The following RPF2 variants were observed in gnomAD, a reference collection of about 807,000 sequenced individuals.
RPF2 encodes brix domain containing 1.
Under a neutral mutation model 38.9 loss-of-function variants are expected in RPF2, and 21 were observed. That is an observed-to-expected ratio of 0.54 (90% CI 0.38 to 0.78). RPF2 has a LOEUF of 0.78. Ranked by LOEUF, RPF2 falls within the 30% of genes least tolerant of loss-of-function variation. The pLI, the probability that RPF2 is intolerant of heterozygous loss-of-function variation, is 0.00. For missense variants in RPF2, 314 were observed against 358.1 expected, an observed-to-expected ratio of 0.88 and a Z score of 0.99; for synonymous variants, 121 against 126.2, an observed-to-expected ratio of 0.96 and a Z score of 0.28.
chr6:110,986,928 G>A (rs897215970), intron 2 of RPF2, among the ~76,000 whole-genome samples: 1 of 150,214 alleles, frequency 6.7e-6, no homozygotes, highest in Non-Finnish European at 1.5e-5. Flanking sequence ...ACTTACTCCA[G>A]CCTGGGTAAC....
Position 111,027,960 on chromosome 6 carries a change from CTATG to C in RPF2, c.*2382_*2385del, listed in dbSNP as rs758163410. On this transcript the variant is annotated 3_prime_UTR_variant, in exon 10 of 10. Coordinates refer to ENST00000441448, the MANE Select transcript of RPF2 (RefSeq NM_032194.3). Reference sequence around the variant, plus strand: ...GAATACAACACACATAAATTGGAGACTATGTATTCATTTCAATGGAGGTGGTAAA... The same window carrying C: ...GAATACAACACACATAAATTGGAGACTATTCATTTCAATGGAGGTGGTAAA... 7 of 152,072 alleles carry C rather than the reference CTATG, an allele frequency of 4.6e-5. No homozygotes were observed. Among genetic ancestry groups the C allele is most frequent in the Non-Finnish European group, 8.8e-5 (6 of 68,014 alleles). The allele number at this position is 152,072 out of a possible 1,614,324, so 9.4% of individuals were successfully genotyped here. A position where few individuals can be genotyped will look rare whatever the true frequency, so the allele number is the denominator to read the frequency against.
Position 110,985,082 on chromosome 6 carries a change from A to G in RPF2, c.100A>G (p.Met34Val). Reference protein sequence around the residue: ...PKLNENIKNAMLIKGGNANAT... With the variant: ...PKLNENIKNAVLIKGGNANAT... ...ACTCAATGAAAATATTAAAAATGCC[A>G]TGCTGATTAAAGGGGGAAATGCAAA... is the stretch of plus-strand genomic sequence containing the variant. Residue 34 changes from methionine (M) to valine (V), a missense_variant, in exon 2 of 10, where the codon ATG (methionine) becomes GTG (valine). By Grantham distance (21) the Met-to-Val change is conservative (BLOSUM62 1). Transcript: ENST00000441448. 7 of 1,613,732 alleles carry G rather than the reference A, an allele frequency of 4.3e-6. No individual in the cohort carries two copies. The highest frequency in any genetic ancestry group is 5.9e-6 in the Non-Finnish European group (7 of 1,179,764).
chr6:111,014,033 A>G (rs1397663975), intron 7 of RPF2, among the ~76,000 whole-genome samples: 1 of 149,518 alleles, frequency 6.7e-6, no homozygotes, highest in Non-Finnish European at 1.5e-5. Flanking sequence ...AATGTTCATT[A>G]GTTTTTTTTT....
rs1771757333 is a variant in RPF2 at position 110,998,500 on chromosome 6, T to C, written c.317-1211T>C. ...CTGGAATTACAGGCGTGAGCCACTG[T>C]GCCCGGCCTGATCTAAAAATTTTTT... On this transcript the variant is annotated intron_variant, in intron 5 of 9. Coordinates refer to ENST00000441448, the MANE Select transcript of RPF2 (RefSeq NM_032194.3). Among the ~76,000 whole-genome samples, 3 of 152,214 alleles carry C rather than the reference T, an allele frequency of 2.0e-5. No individual in the cohort carries two copies. In the South Asian group the frequency reaches 6.2e-4, roughly 31 times the overall value.
At position 111,028,113 on chromosome 6, in the gene RPF2, G is replaced by C. The variant is rs1246332043; in HGVS notation, c.*2531G>C. 6.6e-6 allele frequency: 1 copy of C among 151,876 alleles called. No individual in the cohort carries two copies. Among genetic ancestry groups the C allele is most frequent in the East Asian group, 1.9e-4 (1 of 5,192 alleles). 9.4% of individuals were successfully genotyped at this position (151,876 alleles called of 1,614,324 possible). ...TCTGGAATATTAATACTATTACCAA[G>C]CTATTATTTCATGGAATTTGGGTTT... On this transcript the variant is annotated 3_prime_UTR_variant, in exon 10 of 10. Coordinates refer to ENST00000441448, the MANE Select transcript of RPF2 (RefSeq NM_032194.3).
chr6:111,010,532 G>T (rs1346691639), intron 7 of RPF2, among the ~76,000 whole-genome samples: 1 of 152,210 alleles, frequency 6.6e-6, no homozygotes, highest in African/African-American at 2.4e-5. Flanking sequence ...TCTCAAAGCA[G>T]CAGTCCTTTA....
At position 111,008,898 on chromosome 6, in the gene RPF2, C is replaced by CTTTTTTTTTTTTTTTTTTTTT. The variant is rs57167034; in HGVS notation, c.493+779_493+780insTTTTTTTTTTTTTTTTTTTTT. ...AAGCCCTCAGTGACCTTCCTGGCTC[C>CTTTTTTTTTTTTTTTTTTTTT]TTTTTTTTTTTTTTTTTTAAAGATA... On this transcript the variant is annotated intron_variant, in intron 7 of 9. Transcript: ENST00000441448. Among the ~76,000 whole-genome samples the CTTTTTTTTTTTTTTTTTTTTT allele has an allele frequency of 8.2e-4, 99 of 120,416 alleles. 14 individuals are homozygous for CTTTTTTTTTTTTTTTTTTTTT. The highest frequency in any genetic ancestry group is 2.0e-3 in the African/African-American group (60 of 30,092). 79.0% of individuals were successfully genotyped at this position (120,416 alleles called of 152,430 possible). A position where few individuals can be genotyped will look rare whatever the true frequency, so the allele number is the denominator to read the frequency against.
chr6:111,022,929 C>T (rs903015508), intron 8 of RPF2, among the ~76,000 whole-genome samples: 2 of 152,250 alleles, frequency 1.3e-5, no homozygotes, highest in African/African-American at 2.4e-5. Context: ...GACGGAGTCT[C>T]GCCCTGTCGC....
At chr6:110,988,340 A>G (rs10499060) in intron 2 of RPF2, among the ~76,000 whole-genome samples, 37,596 of 151,856 alleles carry the variant, frequency 0.25, 5,373 homozygotes, top group East Asian at 0.65. Context: ...TGTCATCATT[A>G]TTACTGTTTC....
At chr6:111,004,703 C>G (rs1771879104) in intron 6 of RPF2, among the ~76,000 whole-genome samples, 1 of 152,036 alleles carries the variant, frequency 6.6e-6, no homozygotes, top group Middle Eastern at 3.4e-3. Flanking sequence ...CTCAGCCTCC[C>G]AAGTAGCTGG....
At chr6:110,997,452 A>G (rs1486790489) in intron 5 of RPF2, among the ~76,000 whole-genome samples, 188 bp downstream of exon 5, 1 of 152,150 alleles carries the variant, frequency 6.6e-6, no homozygotes, top group African/African-American at 2.4e-5. Flanking sequence ...AAAAAGTTTT[A>G]GAGCAGGGGC....
intron 8 of RPF2, among the ~76,000 whole-genome samples, chr6:111,020,429 T>C (rs1463989520): frequency 1.3e-5 from 2 of 152,208 alleles, no homozygotes; most frequent in African/African-American, 2.4e-5. Flanking sequence ...AAATGAGTGG[T>C]AACAGTAGCC....
intron 4 of RPF2, among the ~76,000 whole-genome samples, chr6:110,994,734 T>TATACACACACAC (rs1436106936): frequency 2.2e-5 from 3 of 134,070 alleles, no homozygotes; most frequent in African/African-American, 9.6e-5. Context: ...TGAGTATATA[T>TATACACACACAC]ACACACACAC....
chr6:111,013,563 T>G (rs1772054794), intron 7 of RPF2, among the ~76,000 whole-genome samples: 1 of 152,248 alleles, frequency 6.6e-6, no homozygotes, highest in African/African-American at 2.4e-5. Context: ...AAATTTTGAC[T>G]TAATAAAGAG....
At chr6:111,004,767 C>T (rs1420970050) in intron 6 of RPF2, among the ~76,000 whole-genome samples, 3 of 151,746 alleles carry the variant, frequency 2.0e-5, no homozygotes, top group Non-Finnish European at 2.9e-5. Context: ...CAGGGTTTCA[C>T]CACGTTGGCC....
intron 5 of RPF2, 102 bp downstream of exon 5, chr6:110,997,366 A>G: frequency 1.5e-6 from 1 of 688,364 alleles, no homozygotes. Context: ...GCCTCTTCAG[A>G]GGAAATAATT....
At chr6:111,011,877 A>G (rs1772021748) in intron 7 of RPF2, among the ~76,000 whole-genome samples, 1 of 152,176 alleles carries the variant, frequency 6.6e-6, no homozygotes, top group Admixed American at 6.5e-5. Flanking sequence ...GAAGGGAGTG[A>G]AAACCAAAAA....
chr6:111,004,173 A>C (rs1269907527), intron 6 of RPF2, among the ~76,000 whole-genome samples: 3 of 151,126 alleles, frequency 2.0e-5, no homozygotes, highest in Non-Finnish European at 2.9e-5. Context: ...TGTGACTAGC[A>C]TTTTATTTTT....
intron 4 of RPF2, among the ~76,000 whole-genome samples, chr6:110,996,069 C>T (rs571923136): frequency 6.6e-6 from 1 of 151,976 alleles, no homozygotes; most frequent in South Asian, 2.1e-4. Context: ...CCACCTACCT[C>T]AGCCTTCCAA....
Sources: gnomAD v4.1 joint callset for allele counts (sites outside exome capture counted in the v4.1 genomes callset) on GRCh38, gnomAD v4.1.1 for gene constraint, MANE v1.5 for transcripts, NCBI Gene and HGNC (gene_info 2026-07-23, HGNC 2026-07-21) for gene names.